Variants in HSP90AA1 observed in about 807,000 individuals in gnomAD.
The protein encoded by HSP90AA1 is heat shock protein HSP 90-alpha.
Under a neutral mutation model 73.3 loss-of-function variants are expected in HSP90AA1, and 18 were observed. The ratio of observed to expected loss-of-function variants is 0.25; its 90% CI spans 0.17 to 0.36. HSP90AA1 has a LOEUF of 0.36. HSP90AA1 is among the 10% of genes least tolerant of loss of function. HSP90AA1 has a pLI of 1.00. For missense variants in HSP90AA1, 704 were observed against 874.2 expected (o/e 0.81, Z 2.45); for synonymous variants, 477 against 296.9 (o/e 1.61, Z -6.24).
At chr14:102,091,238 G>A (rs898020224), upstream of HSP90AA1, among the ~76,000 whole-genome samples, 3 of 152,156 alleles carry the variant, frequency 2.0e-5, no homozygotes, top group South Asian at 2.1e-4. Flanking sequence ...TGAGGCTTAG[G>A]AGAGGTAAGT....
At chr14:102,123,524 T>TA (rs35005317) in intron 1 of HSP90AA1, among the ~76,000 whole-genome samples, 138,905 of 151,482 alleles carry the variant, frequency 0.92, 63,750 homozygotes, top group East Asian at 1. Flanking sequence ...AAGTAGTTTC[T>TA]AAAACCTTGT....
Position 102,129,588 on chromosome 14 carries a change from C to T in HSP90AA1, c.155+9662G>A, listed in dbSNP as rs537849883. Among the ~76,000 whole-genome samples, 152 of 151,204 alleles carry T rather than the reference C, an allele frequency of 1.0e-3. 1 individual carries two copies. The Middle Eastern group carries it at 0.031, about 31-fold the overall frequency. ...CTTGATCTCAGCTCACTGCAGCCTC[C>T]GCCTCCCGGGTTCAAGCAATTCTCC... On this transcript the variant is annotated intron_variant, in intron 1 of 11. Transcript: ENST00000334701.
intron 1 of HSP90AA1, among the ~76,000 whole-genome samples, chr14:102,104,048 AAAAAAAAGAAATTGTT>A (rs2049531663): frequency 6.6e-6 from 1 of 152,190 alleles, no homozygotes; most frequent in East Asian, 1.9e-4. Flanking sequence ...CTCAAAAAAA[AAAAAAAAGAAATTGTT>A]AATGTGGGTT....
chr14:102,134,341 AAAAAG>A (rs2049951938), intron 1 of HSP90AA1, among the ~76,000 whole-genome samples: 1 of 151,560 alleles, frequency 6.6e-6, no homozygotes, highest in Non-Finnish European at 1.5e-5. Context: ...AAAAAAAAAA[AAAAAG>A]GATGACAGTA....
chr14:102,088,112 G>C (rs72698521), upstream of HSP90AA1, among the ~76,000 whole-genome samples: 9,143 of 151,396 alleles, frequency 0.06, 380 homozygotes, highest in Non-Finnish European at 0.091. Context: ...CCACAGGCGC[G>C]GACACCACAC....
At chr14:102,099,877 A>T (rs1046390889) in intron 2 of HSP90AA1, among the ~76,000 whole-genome samples, 3 of 152,084 alleles carry the variant, frequency 2.0e-5, no homozygotes, top group Non-Finnish European at 2.9e-5. Flanking sequence ...ATTCTGTTTT[A>T]AAATTCCAAA....
chr14:102,116,042 C>A (rs2049702123), intron 1 of HSP90AA1, among the ~76,000 whole-genome samples: 1 of 150,670 alleles, frequency 6.6e-6, no homozygotes, highest in Non-Finnish European at 1.5e-5. Flanking sequence ...AGCTCTGCCT[C>A]CCGGGTTCAC....
In HSP90AA1 at chr14:102,083,110, T is replaced by G; in HGVS notation, c.1679A>C (p.Lys560Thr). The change falls in exon 9 of 11, where the codon AAG (lysine) becomes ACG (threonine). Residue 560 changes from lysine to threonine, a missense_variant. By Grantham distance (78) the Lys-to-Thr change is moderately conservative (BLOSUM62 -1). Coordinates refer to ENST00000216281, the MANE Select transcript of HSP90AA1 (RefSeq NM_005348.4). Reference protein sequence around the residue: ...ELPEDEEEKKKQEEKKTKFEN... With the variant: ...ELPEDEEEKKTQEEKKTKFEN... ...AAACTTTGTTTTTTTCTCTTCCTGC[T>G]TCTTTTTCTCTTCTTCATCCTCTGG... 6.2e-7 allele frequency: 1 copy of G among 1,613,978 alleles called. No homozygotes were observed. Among genetic ancestry groups the G allele is most frequent in the Non-Finnish European group, 8.5e-7 (1 of 1,179,828 alleles).
chr14:102,087,937 T>G (rs12323536), upstream of HSP90AA1, among the ~76,000 whole-genome samples: 3,082 of 133,948 alleles, frequency 0.023, 115 homozygotes, highest in African/African-American at 0.082. Context: ...AAAGGTTTTT[T>G]TTTTTTTTTT....
chr14:102,086,449 T>A, intron 1 of HSP90AA1, 71 bp from the exon 2 acceptor site: 1 of 1,526,618 alleles, frequency 6.6e-7, no homozygotes, highest in Non-Finnish European at 9.1e-7. Context: ...TCCATCGCGT[T>A]CTCCAAATAT....
At chr14:102,083,350 G>A in intron 8 of HSP90AA1, 48 bp from the exon 9 acceptor site, 2 of 1,598,540 alleles carry the variant, frequency 1.3e-6, no homozygotes, top group Non-Finnish European at 8.6e-7. Flanking sequence ...GTTAAGAATG[G>A]TTTCATCTAG....
chr14:102,098,788 G>A (rs183547522), intron 2 of HSP90AA1, among the ~76,000 whole-genome samples: 4 of 151,962 alleles, frequency 2.6e-5, no homozygotes, highest in South Asian at 4.2e-4. Flanking sequence ...CTCCGCCTCC[G>A]GGGTTCAAGT....
chr14:102,089,846 C>T (rs560133454), upstream of HSP90AA1, among the ~76,000 whole-genome samples: 86 of 152,288 alleles, frequency 5.6e-4, no homozygotes, highest in Middle Eastern at 3.4e-3. Flanking sequence ...CACTTCCCTC[C>T]ACCTTCATCC....
At chr14:102,091,272 C>T (rs970256510), upstream of HSP90AA1, among the ~76,000 whole-genome samples, 4 of 152,106 alleles carry the variant, frequency 2.6e-5, no homozygotes, top group African/African-American at 9.7e-5. Context: ...TCACCCAGAG[C>T]AAGGGCCTCC....
At chr14:102,109,689 G>C (rs2049613881) in intron 1 of HSP90AA1, among the ~76,000 whole-genome samples, 1 of 152,130 alleles carries the variant, frequency 6.6e-6, no homozygotes, top group Non-Finnish European at 1.5e-5. Flanking sequence ...CAGCAGAGTG[G>C]GGCACTGCTG....
chr14:102,083,317 A>G lies in HSP90AA1; in HGVS notation c.1487-15T>C. ...CTTGGTCTCACCTGAGGTATTACAA[A>G]GTTACTTTTAGACCTTTTAACAGTT... On this transcript the variant is annotated splice_polypyrimidine_tract_variant and intron_variant, in intron 8 of 10. Coordinates refer to ENST00000216281, the MANE Select transcript of HSP90AA1 (RefSeq NM_005348.4). 6.2e-7 allele frequency: 1 copy of G among 1,613,934 alleles called. No homozygotes were observed. Among genetic ancestry groups the G allele is most frequent in the Non-Finnish European group, 8.5e-7 (1 of 1,179,816 alleles).
chr14:102,100,332 G>T (rs1464663152), intron 2 of HSP90AA1, among the ~76,000 whole-genome samples: 2 of 152,136 alleles, frequency 1.3e-5, no homozygotes, highest in East Asian at 3.8e-4. Flanking sequence ...TTCTCTCAGG[G>T]CTTGGTTCTG....
At chr14:102,122,304 G>A (rs1357792506) in intron 1 of HSP90AA1, among the ~76,000 whole-genome samples, 5 of 139,012 alleles carry the variant, frequency 3.6e-5, no homozygotes, top group Admixed American at 3.1e-4. Flanking sequence ...TTTTTTTGAC[G>A]GAGTCTCGCT....
At chr14:102,082,898 C>G (rs568499795) in intron 9 of HSP90AA1, 136 bp downstream of exon 9, 2 of 892,586 alleles carry the variant, frequency 2.2e-6, no homozygotes, top group Non-Finnish European at 1.9e-6. Flanking sequence ...GGATTGCAGG[C>G]GTGAGCCACC....
Sources: allele counts gnomAD v4.1 joint callset (sites outside exome capture counted in the v4.1 genomes callset), GRCh38; gene constraint gnomAD v4.1.1; transcripts MANE v1.5; gene names NCBI Gene and HGNC (gene_info 2026-07-23, HGNC 2026-07-21).